The following TAFA4 variants were observed in gnomAD, a reference collection of about 807,000 sequenced individuals.
The protein encoded by TAFA4 is chemokine-like protein TAFA-4.
In TAFA4, 20 loss-of-function variants were observed where a neutral mutation model predicts 21.1. The observed-to-expected ratio is 0.95, with a 90% CI of 0.67 to 1.38. The LOEUF is 1.38. TAFA4 is among the 40% of genes most tolerant of loss of function. The pLI, the probability that TAFA4 is intolerant of heterozygous loss-of-function variation, is 0.00. For synonymous variants in TAFA4, 71 were observed against 67.4 expected, an observed-to-expected ratio of 1.05 and a Z score of -0.26; for missense variants, 211 against 180.9, an observed-to-expected ratio of 1.17 and a Z score of -0.95.
chr3:68,849,299 G>C (rs1409507001), intron 3 of TAFA4, among the ~76,000 whole-genome samples: 1 of 152,174 alleles, frequency 6.6e-6, no homozygotes, highest in African/African-American at 2.4e-5. Flanking sequence ...CTTTGAATCT[G>C]AATGGGCTCT....
chr3:68,880,844 T>C lies in TAFA4; in HGVS notation c.16A>G (p.Met6Val). The change falls in exon 3 of 6, where the codon ATG becomes GTG. Residue 6 changes from methionine (M) to valine (V), a missense_variant and splice_region_variant. By Grantham distance (21) the Met-to-Val change is conservative. Transcript: ENST00000295569. ...AACACTGACTTAGCACAGACTCTCA[T>C]CCTGGAGGAAAAGCAGGGCTGGAGT... The part of the protein sequence containing the change: MRSPR[M>V]RVCAKSVLLS... The C allele has an allele frequency of 6.2e-7, 1 of 1,612,758 alleles. No homozygotes were observed. The highest frequency in any genetic ancestry group is 1.1e-5 in the South Asian group (1 of 91,006).
chr3:68,753,768 A>G (rs71312526), intron 3 of TAFA4, among the ~76,000 whole-genome samples: 1,924 of 152,298 alleles, frequency 0.013, 28 homozygotes, highest in Middle Eastern at 0.024. Flanking sequence ...TGGAGGGGCC[A>G]CATGTCAAGG....
chr3:68,736,139 G>A (rs576741109), intron 5 of TAFA4, among the ~76,000 whole-genome samples: 16 of 152,030 alleles, frequency 1.1e-4, no homozygotes, highest in Non-Finnish European at 2.1e-4. Flanking sequence ...ACAAGATACG[G>A]CAAATGCTTG....
chr3:68,781,235 C>G (rs750512921), intron 3 of TAFA4, among the ~76,000 whole-genome samples: 3 of 151,178 alleles, frequency 2.0e-5, no homozygotes, highest in Non-Finnish European at 4.4e-5. Flanking sequence ...TAACTTAAAA[C>G]TATATAAAGA....
At chr3:68,930,607 T>G (rs377015454) in intron 1 of TAFA4, among the ~76,000 whole-genome samples, 2 of 152,336 alleles carry the variant, frequency 1.3e-5, no homozygotes, top group Admixed American at 1.3e-4. Context: ...GAAATGTCCG[T>G]GCATATGAAG....
intron 3 of TAFA4, among the ~76,000 whole-genome samples, chr3:68,765,812 G>C (rs144782393): frequency 1.3e-5 from 2 of 152,258 alleles, no homozygotes; most frequent in East Asian, 3.9e-4. Flanking sequence ...GTGACTGACT[G>C]AGACAGGCAG....
chr3:68,855,462 A>G (rs1705049133), intron 3 of TAFA4, among the ~76,000 whole-genome samples: 2 of 152,142 alleles, frequency 1.3e-5, no homozygotes, highest in Admixed American at 1.3e-4. Context: ...AAATTTAGCA[A>G]ACCCAAAATG....
chr3:68,905,247 C>T (rs557754962), intron 1 of TAFA4, among the ~76,000 whole-genome samples: 2 of 151,164 alleles, frequency 1.3e-5, no homozygotes, highest in East Asian at 3.9e-4. Flanking sequence ...CCTCCGCCTC[C>T]CGCCTCCTGC....
chr3:68,827,572 G>A lies in TAFA4; in HGVS notation c.130+53158C>T, dbSNP rs534176741. ...GTTGTTTCCTGACTTTTTAATGATCGCCATTCTAACTGGCAAGAGATGGTA... is the reference window on the plus strand; with the variant it reads ...GTTGTTTCCTGACTTTTTAATGATCACCATTCTAACTGGCAAGAGATGGTA... On this transcript the variant is annotated intron_variant, in intron 3 of 5. Coordinates refer to ENST00000295569, the MANE Select transcript of TAFA4 (RefSeq NM_182522.5). 2.8e-4 allele frequency among the ~76,000 whole-genome samples: 43 copies of A among 152,142 alleles called. No individual in the cohort carries two copies. The South Asian group carries it at 6.2e-3, about 22-fold the overall frequency.
chr3:68,873,337 T>C lies in TAFA4; in HGVS notation c.130+7393A>G, dbSNP rs112153639. Among the ~76,000 whole-genome samples the C allele has an allele frequency of 1.9e-3, 248 of 133,464 alleles. 3 individuals are homozygous for C. Among genetic ancestry groups the C allele is most frequent in the East Asian group, 0.013 (47 of 3,552 alleles). 87.6% of individuals were successfully genotyped at this position (133,464 alleles called of 152,430 possible). On this transcript the variant is annotated intron_variant, in intron 3 of 5. Transcript: ENST00000295569. The stretch of plus-strand genomic sequence containing the variant: ...CACAACAGACAGACACACGCAGACA[T>C]ACACACACACACACACACACACACA...
chr3:68,890,804 T>C (rs1029601393), intron 1 of TAFA4, among the ~76,000 whole-genome samples: 4 of 152,216 alleles, frequency 2.6e-5, no homozygotes, highest in Non-Finnish European at 4.4e-5. Context: ...CTTGAAGACA[T>C]TGGTCATCAA....
intron 3 of TAFA4, among the ~76,000 whole-genome samples, chr3:68,841,344 A>AAAAAAAAAG (rs376327182): frequency 2.7e-5 from 2 of 73,598 alleles, no homozygotes; most frequent in African/African-American, 9.0e-5. Flanking sequence ...AAATAAAAAA[A>AAAAAAAAAG]AATAAAATCC....
chr3:68,739,491 T>G (rs568512349), intron 4 of TAFA4, among the ~76,000 whole-genome samples: 1 of 152,278 alleles, frequency 6.6e-6, no homozygotes, highest in Non-Finnish European at 1.5e-5. Context: ...TGGAGATTTC[T>G]CAAAGAACTA....
chr3:68,907,478 A>G (rs1333270622), intron 1 of TAFA4, among the ~76,000 whole-genome samples: 1 of 152,256 alleles, frequency 6.6e-6, no homozygotes, highest in Non-Finnish European at 1.5e-5. Context: ...TGTTATGCTC[A>G]GGGCAAGGAG....
intron 3 of TAFA4, among the ~76,000 whole-genome samples, chr3:68,784,416 C>T (rs1390142011): frequency 6.6e-6 from 1 of 152,024 alleles, no homozygotes; most frequent in East Asian, 1.9e-4. Flanking sequence ...GAGTTTCTTC[C>T]TTCTGGTGGG....
chr3:68,926,275 G>C (rs903902017), intron 1 of TAFA4, among the ~76,000 whole-genome samples: 3 of 152,012 alleles, frequency 2.0e-5, no homozygotes, highest in African/African-American at 7.2e-5. Flanking sequence ...AAAGCAGCAG[G>C]AGGGAATTGG....
intron 3 of TAFA4, among the ~76,000 whole-genome samples, chr3:68,822,217 T>G (rs1055209111): frequency 1.3e-5 from 2 of 152,190 alleles, no homozygotes; most frequent in Admixed American, 6.5e-5. Flanking sequence ...TAACGAGCAT[T>G]TGGATGCCTA....
chr3:68,917,738 A>G (rs551658691), intron 1 of TAFA4, among the ~76,000 whole-genome samples: 2 of 129,314 alleles, frequency 1.5e-5, no homozygotes, highest in Admixed American at 8.2e-5. Flanking sequence ...TGGACGACAG[A>G]GCGAGACTCT....
chr3:68,890,319 T>C (rs547884133), intron 1 of TAFA4, among the ~76,000 whole-genome samples: 4 of 152,296 alleles, frequency 2.6e-5, no homozygotes, highest in African/African-American at 9.6e-5. Flanking sequence ...AACTTTTCAT[T>C]AAATTGGAAA....
Sources: allele counts gnomAD v4.1 joint callset (sites outside exome capture counted in the v4.1 genomes callset), GRCh38; gene constraint gnomAD v4.1.1; transcripts MANE v1.5; gene names NCBI Gene and HGNC (gene_info 2026-07-23, HGNC 2026-07-21).